Variants in YES1 observed in about 807,000 individuals in gnomAD.
The protein encoded by YES1 is YES proto-oncogene 1, Src family tyrosine kinase, also known as tyrosine-protein kinase Yes.
Under a neutral mutation model 70.4 loss-of-function variants are expected in YES1, and 39 were observed. That is an observed-to-expected ratio of 0.55 (90% confidence interval 0.43 to 0.72). YES1 has a LOEUF of 0.72. YES1 is among the 30% of genes least tolerant of loss of function. The pLI is 0.00. For missense variants in YES1, 495 were observed against 644.8 expected (o/e 0.77, Z 2.52); for synonymous variants, 198 against 218.6 (o/e 0.91, Z 0.83).
intron 1 of YES1, among the ~76,000 whole-genome samples, chr18:768,414 GTAT>G (rs1905005086): frequency 6.6e-6 from 1 of 152,180 alleles, no homozygotes; most frequent in East Asian, 1.9e-4. Context: ...CATGAATGTG[GTAT>G]TTTATTTATT....
chr18:755,834 G>A (rs116911862), intron 2 of YES1, among the ~76,000 whole-genome samples: 1,860 of 152,244 alleles, frequency 0.012, 27 homozygotes, highest in Non-Finnish European at 0.016. Context: ...GCTATACTTT[G>A]TTACTTCAGT....
intron 11 of YES1, among the ~76,000 whole-genome samples, chr18:731,725 T>C (rs1486468186): frequency 6.6e-6 from 1 of 152,120 alleles, no homozygotes; most frequent in Non-Finnish European, 1.5e-5. Context: ...CCCAGCATTC[T>C]GGGAGGCCGA....
intron 1 of YES1, among the ~76,000 whole-genome samples, chr18:795,253 A>G (rs1014251825): frequency 1.3e-5 from 2 of 152,240 alleles, no homozygotes; most frequent in African/African-American, 4.8e-5. Flanking sequence ...TAGGAAATAC[A>G]TACTGAAATA....
intron 1 of YES1, among the ~76,000 whole-genome samples, chr18:789,635 A>G (rs913818230): frequency 6.6e-6 from 1 of 152,176 alleles, no homozygotes; most frequent in African/African-American, 2.4e-5. Context: ...GTTCTACATC[A>G]ATGAACTACA....
intron 1 of YES1, among the ~76,000 whole-genome samples, chr18:759,722 T>G (rs1160135035): frequency 6.6e-6 from 1 of 151,920 alleles, no homozygotes; most frequent in East Asian, 1.9e-4. Flanking sequence ...TTTCTTTTAT[T>G]ATTATTATAC....
At chr18:739,211 T>C (rs181658567) in intron 9 of YES1, 1 of 152,270 alleles carries the variant, frequency 6.6e-6, no homozygotes, top group Non-Finnish European at 1.5e-5. Flanking sequence ...CTCGTTCTGT[T>C]ACTAACAAGT....
intron 1 of YES1, among the ~76,000 whole-genome samples, chr18:781,078 G>A (rs1352000246): frequency 6.6e-6 from 1 of 152,016 alleles, no homozygotes; most frequent in African/African-American, 2.4e-5. Context: ...AACCAGCCTG[G>A]CCAACATGGT....
intron 1 of YES1, among the ~76,000 whole-genome samples, chr18:772,312 A>T (rs1905196568): frequency 6.6e-6 from 1 of 151,954 alleles, no homozygotes. Flanking sequence ...TACAGGCATG[A>T]GCCACCGCAC....
At chr18:801,860 T>A (rs564788389) in intron 1 of YES1, among the ~76,000 whole-genome samples, 2 of 152,200 alleles carry the variant, frequency 1.3e-5, no homozygotes, top group South Asian at 4.1e-4. Flanking sequence ...AGAAACTTGA[T>A]TGGGAAAACA....
chr18:758,872 A>C (rs923388789), intron 1 of YES1, among the ~76,000 whole-genome samples: 2 of 152,322 alleles, frequency 1.3e-5, no homozygotes, highest in African/African-American at 4.8e-5. Context: ...CAAAATCTGC[A>C]TTATTCTATT....
chr18:743,906 G>GAA (rs1032600928), intron 6 of YES1, among the ~76,000 whole-genome samples: 1 of 113,800 alleles, frequency 8.8e-6, no homozygotes, highest in African/African-American at 3.3e-5. Flanking sequence ...ATTCTGACTC[G>GAA]AAAAAAAAAA....
intron 9 of YES1, 74 bp downstream of exon 9, chr18:739,661 A>T: frequency 8.3e-7 from 1 of 1,200,086 alleles, no homozygotes; most frequent in East Asian, 2.4e-5. Flanking sequence ...ACATACTATA[A>T]TATTCTGGTA....
rs188061199 is a variant in YES1, at chr18:754,564, C to T, written c.271+1993G>A. Among the ~76,000 whole-genome samples, 543 of 151,976 alleles carry T rather than the reference C, an allele frequency of 3.6e-3. 4 individuals carry two copies. The highest frequency in any genetic ancestry group is 0.012 in the African/African-American group (513 of 41,466). ...CTACTAAAGTACAAAAAAAATTAGC[C>T]GGGTGCCGTGGTGTTTGTTTCTTGT... On this transcript the variant is annotated intron_variant, in intron 2 of 11. Coordinates refer to ENST00000314574, the MANE Select transcript of YES1 (RefSeq NM_005433.4).
rs71174290 is a variant in YES1 at position 787,080 on chromosome 18, CTTTTTTTTTTTTTTTTTTT to C, written c.-9+25015_-9+25033del. ...TTTAAAAAACTGTGATACATACTGTCTTTTTTTTTTTTTTTTTTTTTTTTTTTTTTTTTTGAGACAGAGT... is the reference window on the plus strand; with the variant it reads ...TTTAAAAAACTGTGATACATACTGTCTTTTTTTTTTTTTTTGAGACAGAGT... On this transcript the variant is annotated intron_variant, in intron 1 of 11. Transcript: ENST00000314574. Among the ~76,000 whole-genome samples, 14 of 34,760 alleles carry C rather than the reference CTTTTTTTTTTTTTTTTTTT, an allele frequency of 4.0e-4. No homozygotes were observed. In the South Asian group the frequency reaches 6.6e-3, roughly 16 times the overall value. 22.8% of individuals were successfully genotyped at this position (34,760 alleles called of 152,430 possible).
chr18:733,894 T>G (rs2080120927), intron 10 of YES1, among the ~76,000 whole-genome samples: 1 of 152,154 alleles, frequency 6.6e-6, no homozygotes, highest in African/African-American at 2.4e-5. Context: ...TATATGTGTT[T>G]GTAGATAGTG....
At chr18:812,253 GC>G (rs1907439902), upstream of YES1, 1 of 151,784 alleles carries the variant, frequency 6.6e-6, no homozygotes, top group Admixed American at 6.6e-5. Flanking sequence ...GGCAGAGCCG[GC>G]CCGGGACGCG....
At chr18:773,198 T>C (rs541286798) in intron 1 of YES1, among the ~76,000 whole-genome samples, 31 of 152,338 alleles carry the variant, frequency 2.0e-4, no homozygotes, top group Middle Eastern at 3.4e-3. Context: ...TTAATAGAGA[T>C]GAAGTCAAAA....
chr18:748,153 A>G, intron 3 of YES1, 135 bp from the exon 4 acceptor site: 2 of 663,456 alleles, frequency 3.0e-6, no homozygotes, highest in Non-Finnish European at 5.2e-6. Flanking sequence ...TTGGATGAAG[A>G]ATTAAACTCA....
At chr18:779,782 T>A (rs1905561371) in intron 1 of YES1, among the ~76,000 whole-genome samples, 1 of 152,172 alleles carries the variant, frequency 6.6e-6, no homozygotes, top group Admixed American at 6.5e-5. Context: ...CAGTAAACAA[T>A]TAGATACCAC....
Sources: allele counts gnomAD v4.1 joint callset (sites outside exome capture counted in the v4.1 genomes callset), GRCh38; gene constraint gnomAD v4.1.1; transcripts MANE v1.5; gene names NCBI Gene and HGNC (gene_info 2026-07-23, HGNC 2026-07-21).